IGSF11: variants seen among roughly 807,000 people sequenced by gnomAD.
IGSF11 encodes CXADR like 1.
In IGSF11, 22 loss-of-function variants were observed where a neutral mutation model predicts 41.0. That is an observed-to-expected ratio of 0.54 (90% CI 0.38 to 0.77). The LOEUF is 0.77. Among genes scored for constraint, IGSF11 ranks in the 30% least tolerant of loss-of-function variants. The pLI, the probability that IGSF11 is intolerant of heterozygous loss-of-function variation, is 0.00. For missense variants in IGSF11, 444 were observed against 530.8 expected (o/e 0.84, Z 1.61); for synonymous variants, 219 against 201.3 (o/e 1.09, Z -0.74).
chr3:119,047,883 G>A (rs1265383342), intron 1 of IGSF11, among the ~76,000 whole-genome samples: 2 of 152,100 alleles, frequency 1.3e-5, no homozygotes, highest in African/African-American at 2.4e-5. Context: ...TGAACAACCT[G>A]CTCCTGAATG....
At chr3:118,931,988 C>T (rs890626342) in intron 1 of IGSF11, among the ~76,000 whole-genome samples, 2 of 152,130 alleles carry the variant, frequency 1.3e-5, no homozygotes, top group African/African-American at 4.8e-5. Context: ...CCACCTTGGC[C>T]TCCCAAAGTG....
intron 1 of IGSF11, among the ~76,000 whole-genome samples, chr3:119,096,326 T>C (rs1280766448): frequency 3.3e-5 from 5 of 152,022 alleles, no homozygotes; most frequent in African/African-American, 1.2e-4. Flanking sequence ...AGAATATATA[T>C]ATACACACAC....
At chr3:119,109,339 T>G (rs2077098827), upstream of IGSF11, among the ~76,000 whole-genome samples, 1 of 151,916 alleles carries the variant, frequency 6.6e-6, no homozygotes, top group South Asian at 2.1e-4. Context: ...TGTCGAGGAA[T>G]TTATCCATTT....
chr3:118,973,220 G>C (rs1933658281), intron 1 of IGSF11, among the ~76,000 whole-genome samples: 1 of 152,178 alleles, frequency 6.6e-6, no homozygotes, highest in African/African-American at 2.4e-5. Context: ...GCCAAGCTCA[G>C]CAGTGGCTTG....
intron 1 of IGSF11, among the ~76,000 whole-genome samples, chr3:119,138,218 G>T (rs1319242811): frequency 2.0e-5 from 3 of 151,654 alleles, no homozygotes; most frequent in African/African-American, 7.3e-5. Context: ...CCACTGTTGG[G>T]TATTTACCCA....
chr3:119,008,149 T>C (rs1937635344), intron 1 of IGSF11, among the ~76,000 whole-genome samples: 1 of 152,184 alleles, frequency 6.6e-6, no homozygotes, highest in African/African-American at 2.4e-5. Context: ...AATAGACTTT[T>C]CTTGGTTAAG....
intron 1 of IGSF11, among the ~76,000 whole-genome samples, chr3:119,129,109 T>C (rs190381473): frequency 6.3e-4 from 96 of 151,948 alleles, no homozygotes; most frequent in African/African-American, 2.3e-3. Context: ...GAGGTGAACA[T>C]TGAGAAAACA....
At chr3:119,133,552 A>G (rs2077514569) in intron 1 of IGSF11, among the ~76,000 whole-genome samples, 1 of 152,220 alleles carries the variant, frequency 6.6e-6, no homozygotes, top group African/African-American at 2.4e-5. Flanking sequence ...GACCAATAAC[A>G]GGTTCTGAAA....
chr3:119,135,764 GTA>G (rs2077552448), intron 1 of IGSF11, among the ~76,000 whole-genome samples: 2 of 152,234 alleles, frequency 1.3e-5, no homozygotes, highest in South Asian at 4.2e-4. Flanking sequence ...ACATGCACAC[GTA>G]TGTTTACTGC....
At chr3:119,105,257 T>C (rs1331439726), upstream of IGSF11, 7 of 1,045,330 alleles carry the variant, frequency 6.7e-6, no homozygotes, top group Admixed American at 2.2e-5. Context: ...CATAACATTA[T>C]ATGTATTTCA....
chr3:119,034,804 T>C lies in IGSF11; in HGVS notation c.-222A>G. 7.9e-7 allele frequency: 1 copy of C among 1,260,326 alleles called. No individual in the cohort carries two copies. The highest frequency in any genetic ancestry group is 1.0e-6 in the Non-Finnish European group (1 of 1,002,500). The allele number at this position is 1,260,326 out of a possible 1,614,324, so 78.1% of individuals were successfully genotyped here. A position where few individuals can be genotyped will look rare whatever the true frequency, so the allele number is the denominator to read the frequency against. ...GGACGCTGAGCTGTGACCAGAGGCG[T>C]TCCGGGCTCGCCAGCCGTGCCACCC... is the stretch of plus-strand genomic sequence containing the variant. On this transcript the variant is annotated 5_prime_UTR_variant, in exon 1 of 7. Transcript: ENST00000393775.
chr3:119,096,130 A>T (rs1342096590), intron 1 of IGSF11, among the ~76,000 whole-genome samples: 2 of 152,136 alleles, frequency 1.3e-5, no homozygotes, highest in Non-Finnish European at 2.9e-5. Flanking sequence ...CTCTAAGAAA[A>T]CAATGGATGT....
At chr3:119,061,456 T>C (rs1005204432) in intron 1 of IGSF11, among the ~76,000 whole-genome samples, 1 of 152,180 alleles carries the variant, frequency 6.6e-6, no homozygotes. Flanking sequence ...TCTTGACCAA[T>C]GTAGGATGGG....
At chr3:119,140,069 C>T (rs892286337) in intron 1 of IGSF11, among the ~76,000 whole-genome samples, 12 of 151,792 alleles carry the variant, frequency 7.9e-5, no homozygotes, top group African/African-American at 2.9e-4. Context: ...ATCTATTTAA[C>T]ACAATAAAAG....
At chr3:118,962,754 T>C (rs1001561105) in intron 1 of IGSF11, among the ~76,000 whole-genome samples, 1 of 152,058 alleles carries the variant, frequency 6.6e-6, no homozygotes, top group Non-Finnish European at 1.5e-5. Context: ...TCTGTGGGCA[T>C]ACCTACAAAT....
intron 1 of IGSF11, among the ~76,000 whole-genome samples, chr3:119,132,224 G>A (rs529811676): frequency 1.3e-5 from 2 of 151,868 alleles, no homozygotes; most frequent in South Asian, 4.2e-4. Flanking sequence ...ATGTAAATGG[G>A]CTAAATGCTC....
chr3:119,056,082 A>G (rs1399848001), intron 1 of IGSF11, among the ~76,000 whole-genome samples: 1 of 152,190 alleles, frequency 6.6e-6, no homozygotes, highest in Non-Finnish European at 1.5e-5. Flanking sequence ...AAGAGCAAAT[A>G]CATTCAAAAG....
chr3:119,011,943 T>TTG (rs1553711921), intron 1 of IGSF11, among the ~76,000 whole-genome samples: 1 of 149,684 alleles, frequency 6.7e-6, no homozygotes, highest in Non-Finnish European at 1.5e-5. Context: ...CTATATAGTG[T>TTG]TCTGTGTGTG....
intron 1 of IGSF11, among the ~76,000 whole-genome samples, chr3:119,066,528 C>A (rs1244765105): frequency 6.6e-6 from 1 of 152,144 alleles, no homozygotes; most frequent in African/African-American, 2.4e-5. Context: ...TGTGCTGGAG[C>A]AGCTCATACC....
Sources: gnomAD v4.1 joint callset for allele counts (sites outside exome capture counted in the v4.1 genomes callset) on GRCh38, gnomAD v4.1.1 for gene constraint, MANE v1.5 for transcripts, NCBI Gene and HGNC (gene_info 2026-07-23, HGNC 2026-07-21) for gene names.